Variants in NANOGNB observed in about 807,000 individuals in gnomAD.
The protein encoded by NANOGNB is NANOG neighbor homeobox.
Under a neutral mutation model 25.0 loss-of-function variants are expected in NANOGNB, and 30 were observed. The ratio of observed to expected loss-of-function variants is 1.20; its 90% CI spans 0.90 to 1.63. The LOEUF is 1.63. Among genes scored for constraint, NANOGNB ranks in the 40% most tolerant of loss-of-function variants. The pLI is 0.00. For missense variants in NANOGNB, 200 were observed against 188.1 expected (o/e 1.06, Z -0.37); for synonymous variants, 84 against 62.1 (o/e 1.35, Z -1.66).
At chr12:7,766,691 T>A (rs765054731) in intron 1 of NANOGNB, among the ~76,000 whole-genome samples, 23 of 152,046 alleles carry the variant, frequency 1.5e-4, no homozygotes, top group South Asian at 8.3e-4. Flanking sequence ...CATGTCCGAT[T>A]AGTTTTTTGT....
intron 1 of NANOGNB, among the ~76,000 whole-genome samples, chr12:7,767,130 C>T (rs1227552814): frequency 6.6e-6 from 1 of 152,156 alleles, no homozygotes; most frequent in African/African-American, 2.4e-5. Flanking sequence ...CGGGAACCAC[C>T]GTGCCTGGCA....
chr12:7,767,238 A>G (rs1249340629), intron 1 of NANOGNB, among the ~76,000 whole-genome samples: 2 of 152,200 alleles, frequency 1.3e-5, no homozygotes, highest in Non-Finnish European at 2.9e-5. Flanking sequence ...AGAATATTCA[A>G]GAGAGAATGA....
intron 3 of NANOGNB, among the ~76,000 whole-genome samples, chr12:7,773,422 C>G (rs1251552174): frequency 6.6e-6 from 1 of 151,368 alleles, no homozygotes; most frequent in Admixed American, 6.6e-5. Flanking sequence ...TAGACAGCGG[C>G]TGGGTGCGTG....
chr12:7,767,741 T>C (rs775050384), intron 1 of NANOGNB, among the ~76,000 whole-genome samples: 3 of 151,870 alleles, frequency 2.0e-5, no homozygotes, highest in African/African-American at 7.3e-5. Flanking sequence ...TCACTTAACT[T>C]GCTTTCCTTT....
In NANOGNB at chr12:7,773,959, G is replaced by C; in HGVS notation, c.*108G>C. ...CTCACCAATAAATGGAGTTCTGAAA[G>C]GATAAACAAGAAAACATTAACAGTC... On this transcript the variant is annotated 3_prime_UTR_variant, in exon 4 of 4. Coordinates refer to ENST00000382119, the MANE Select transcript of NANOGNB (RefSeq NM_001145465.1). The C allele has an allele frequency of 2.1e-6, 1 of 486,814 alleles. No homozygotes were observed. The highest frequency in any genetic ancestry group is 3.5e-5 in the East Asian group (1 of 28,750). 30.2% of individuals were successfully genotyped at this position (486,814 alleles called of 1,614,324 possible).
intron 3 of NANOGNB, 29 bp from the exon 4 acceptor site, chr12:7,773,771 C>CTTT: frequency 3.6e-6 from 2 of 554,924 alleles, no homozygotes; most frequent in Non-Finnish European, 3.1e-6. Flanking sequence ...TGTTGCGAAA[C>CTTT]TCTTTTTTTT....
intron 1 of NANOGNB, 46 bp downstream of exon 1, chr12:7,765,433 G>T (rs1048840288): frequency 3.4e-5 from 12 of 353,642 alleles, no homozygotes; most frequent in South Asian, 2.5e-4. Flanking sequence ...AGCTGGGCGT[G>T]GTGGCGGGCG....
chr12:7,773,096 C>T (rs964650371), intron 3 of NANOGNB, among the ~76,000 whole-genome samples: 2 of 147,542 alleles, frequency 1.4e-5, no homozygotes, highest in Non-Finnish European at 3.0e-5. Flanking sequence ...TCTTAGTGTC[C>T]TCTATTAAAA....
intron 3 of NANOGNB, among the ~76,000 whole-genome samples, chr12:7,772,426 C>T (rs193047277): frequency 8.0e-5 from 12 of 150,006 alleles, no homozygotes; most frequent in South Asian, 2.1e-4. Context: ...TACAGGTGCC[C>T]GCCACCACGC....
chr12:7,772,765 G>A (rs1862593356), intron 3 of NANOGNB, among the ~76,000 whole-genome samples: 1 of 151,736 alleles, frequency 6.6e-6, no homozygotes, highest in Non-Finnish European at 1.5e-5. Context: ...TGTATTTTTA[G>A]TATACATTAA....
chr12:7,772,378 T>C (rs1221113776), intron 3 of NANOGNB, among the ~76,000 whole-genome samples: 1 of 150,420 alleles, frequency 6.6e-6, no homozygotes, highest in African/African-American at 2.4e-5. Context: ...CCCAGGTTCA[T>C]GCCATTCTTC....
chr12:7,770,540 A>C, intron 3 of NANOGNB, 22 bp downstream of exon 3: 1 of 1,381,824 alleles, frequency 7.2e-7, no homozygotes, highest in African/African-American at 1.5e-5. Context: ...TTTCTTGTAA[A>C]ATAAAAGGAA....
At position 7,770,071 on chromosome 12, in the gene NANOGNB, GAGA is replaced by G. The variant is rs1019315174; in HGVS notation, c.197_199del (p.Glu66del). On this transcript the variant is annotated inframe_deletion, in exon 2 of 4. Coordinates refer to ENST00000382119, the MANE Select transcript of NANOGNB (RefSeq NM_001145465.1). The stretch of plus-strand genomic sequence containing the variant: ...GAACAAAATGGAAAGCAGAAATGGA[GAGA>G]AGAAGGAGAAGCAGGCAGAAAGAGA... 21 of 1,542,120 alleles carry G rather than the reference GAGA, an allele frequency of 1.4e-5. No individual in the cohort carries two copies. Among genetic ancestry groups the G allele is most frequent in the Non-Finnish European group, 1.7e-5 (19 of 1,142,276 alleles).
chr12:7,770,772 C>A (rs759964583), intron 3 of NANOGNB, among the ~76,000 whole-genome samples: 88 of 152,230 alleles, frequency 5.8e-4, no homozygotes, highest in Middle Eastern at 6.8e-3. Flanking sequence ...GCCACCACGC[C>A]CAGCTAATTT....
At chr12:7,772,203 T>C (rs923096113) in intron 3 of NANOGNB, among the ~76,000 whole-genome samples, 4 of 152,174 alleles carry the variant, frequency 2.6e-5, no homozygotes, top group African/African-American at 9.7e-5. Context: ...AAATTGGCTA[T>C]GCGTACCCCT....
At chr12:7,767,619 C>G (rs895674068) in intron 1 of NANOGNB, among the ~76,000 whole-genome samples, 3 of 152,052 alleles carry the variant, frequency 2.0e-5, no homozygotes, top group Non-Finnish European at 4.4e-5. Flanking sequence ...AATTTTATCC[C>G]ACCCTCATCT....
chr12:7,774,020 G>T lies in NANOGNB; in HGVS notation c.*169G>T. On this transcript the variant is annotated 3_prime_UTR_variant, in exon 4 of 4. Coordinates refer to ENST00000382119, the MANE Select transcript of NANOGNB (RefSeq NM_001145465.1). ...TGGAGTAGAACTAAATGAGGGGTATGCAAAGGAGTTTTTATGTGTTTTATT... is the reference window on the plus strand; with the variant it reads ...TGGAGTAGAACTAAATGAGGGGTATTCAAAGGAGTTTTTATGTGTTTTATT... 1 of 412,634 alleles carries T rather than the reference G, an allele frequency of 2.4e-6. No homozygotes were observed. Among genetic ancestry groups the T allele is most frequent in the Non-Finnish European group, 4.3e-6 (1 of 234,862 alleles). 25.6% of individuals were successfully genotyped at this position (412,634 alleles called of 1,614,324 possible). A position where few individuals can be genotyped will look rare whatever the true frequency, so the allele number is the denominator to read the frequency against.
intron 3 of NANOGNB, among the ~76,000 whole-genome samples, chr12:7,773,578 A>AAAAAAAAT (rs1862607554): frequency 7.6e-6 from 1 of 132,048 alleles, no homozygotes; most frequent in Non-Finnish European, 1.6e-5. Flanking sequence ...AAAAAAAAAA[A>AAAAAAAAT]AGCCAGGCTT....
intron 1 of NANOGNB, chr12:7,766,161 G>A: frequency 2.5e-6 from 1 of 398,578 alleles, no homozygotes; most frequent in Non-Finnish European, 4.4e-6. Flanking sequence ...AGAAGCCCCT[G>A]ATCATTCAAG....
Sources: allele counts gnomAD v4.1 joint callset (sites outside exome capture counted in the v4.1 genomes callset), GRCh38; gene constraint gnomAD v4.1.1; transcripts MANE v1.5; gene names NCBI Gene and HGNC (gene_info 2026-07-23, HGNC 2026-07-21).